The following FER variants were observed in gnomAD, a reference collection of about 807,000 sequenced individuals.
FER encodes the protein FER tyrosine kinase.
Under a neutral mutation model 111.0 loss-of-function variants are expected in FER, and 63 were observed. The observed-to-expected ratio is 0.57, with a 90% CI of 0.46 to 0.70. The LOEUF (loss-of-function observed/expected upper bound fraction) is 0.70, where lower values mean the gene tolerates loss of function less well. FER is among the 30% of genes least tolerant of loss of function. The pLI is 0.00. For missense variants in FER, 914 were observed against 954.0 expected, an observed-to-expected ratio of 0.96 and a Z score of 0.55; for synonymous variants, 327 against 313.9, an observed-to-expected ratio of 1.04 and a Z score of -0.44.
chr5:108,833,856 A>G (rs1210727990), intron 4 of FER, among the ~76,000 whole-genome samples: 1 of 151,778 alleles, frequency 6.6e-6, no homozygotes, highest in Non-Finnish European at 1.5e-5. Flanking sequence ...CCTGGGCATC[A>G]GAGCAAGACT....
chr5:108,867,316 C>G (rs1013743148), intron 5 of FER, among the ~76,000 whole-genome samples: 1 of 151,980 alleles, frequency 6.6e-6, no homozygotes, highest in African/African-American at 2.4e-5. Flanking sequence ...CCAGATATGT[C>G]CCATATTTTA....
chr5:108,917,862 C>T (rs1752465429), intron 10 of FER, among the ~76,000 whole-genome samples: 2 of 152,190 alleles, frequency 1.3e-5, no homozygotes, highest in South Asian at 4.1e-4. Flanking sequence ...AGAGATAAGA[C>T]TGTGCTCCCT....
rs540604975 is a variant in FER, at chr5:108,803,248, T to C, written c.207+4859T>C. Among the ~76,000 whole-genome samples, 12 of 152,248 alleles carry C rather than the reference T, an allele frequency of 7.9e-5. 1 individual carries two copies. The highest frequency in any genetic ancestry group is 3.4e-3 in the Middle Eastern group (1 of 294). On this transcript the variant is annotated intron_variant, in intron 3 of 19. Coordinates refer to ENST00000281092, the MANE Select transcript of FER (RefSeq NM_005246.4). ...GAACATTAGTCCTTTGTTGGATGCA[T>C]GGTTTATGATTATTTTCTCCCATTC...
chr5:108,920,736 C>G (rs946476163), intron 10 of FER, among the ~76,000 whole-genome samples: 16 of 152,156 alleles, frequency 1.1e-4, no homozygotes, highest in African/African-American at 3.6e-4. Flanking sequence ...GTTCCCTTGC[C>G]CTTTGTAAAT....
At chr5:108,996,872 T>C (rs1764053316) in intron 13 of FER, among the ~76,000 whole-genome samples, 1 of 152,200 alleles carries the variant, frequency 6.6e-6, no homozygotes, top group Admixed American at 6.5e-5. Flanking sequence ...CTTTTCACGA[T>C]ATTGATTCTT....
intron 10 of FER, among the ~76,000 whole-genome samples, chr5:108,918,002 AAAATAT>A (rs1324141089): frequency 3.9e-5 from 6 of 152,216 alleles, no homozygotes; most frequent in African/African-American, 1.4e-4. Flanking sequence ...AACATTCAGG[AAAATAT>A]AAATATAAAA....
chr5:108,992,678 G>C (rs1355258040), intron 13 of FER, among the ~76,000 whole-genome samples: 1 of 146,804 alleles, frequency 6.8e-6, no homozygotes, highest in Non-Finnish European at 1.5e-5. Context: ...CCTGGCGGGG[G>C]CTGACCCCCA....
At chr5:108,865,340 C>G (rs1763933542) in intron 5 of FER, among the ~76,000 whole-genome samples, 1 of 152,122 alleles carries the variant, frequency 6.6e-6, no homozygotes, top group Admixed American at 6.6e-5. Flanking sequence ...ATTGAATACC[C>G]TCTATTTCCT....
intron 7 of FER, 21 bp downstream of exon 7, chr5:108,871,523 T>C (rs747571150): frequency 5.8e-6 from 9 of 1,556,010 alleles, no homozygotes; most frequent in Non-Finnish European, 7.9e-6. Flanking sequence ...TTTATTCCTC[T>C]TTAAGGATTT....
chr5:108,787,813 C>T (rs564028808), intron 2 of FER, among the ~76,000 whole-genome samples: 1 of 152,172 alleles, frequency 6.6e-6, no homozygotes, highest in Non-Finnish European at 1.5e-5. Flanking sequence ...ATTGGGACAA[C>T]CTGCCTGCAG....
At chr5:108,900,181 CAG>C (rs926630975) in intron 10 of FER, among the ~76,000 whole-genome samples, 1 of 152,118 alleles carries the variant, frequency 6.6e-6, no homozygotes, top group African/African-American at 2.4e-5. Context: ...ACAAATAAGA[CAG>C]GGCATTCTTA....
intron 2 of FER, among the ~76,000 whole-genome samples, chr5:108,774,333 C>G (rs1753250478): frequency 6.6e-6 from 1 of 152,032 alleles, no homozygotes; most frequent in Non-Finnish European, 1.5e-5. Flanking sequence ...TCTGTCTCTG[C>G]TATTTTAAAT....
At chr5:108,939,073 A>T (rs1561649132) in intron 10 of FER, among the ~76,000 whole-genome samples, 1 of 152,064 alleles carries the variant, frequency 6.6e-6, no homozygotes, top group Non-Finnish European at 1.5e-5. Flanking sequence ...GTACTATGAC[A>T]TCTATTAATG....
chr5:109,180,117 A>G (rs1291305734), intron 17 of FER, among the ~76,000 whole-genome samples: 2 of 152,142 alleles, frequency 1.3e-5, no homozygotes, highest in African/African-American at 2.4e-5. Flanking sequence ...GAAGCCCAGT[A>G]TGGATGGGAT....
In FER at chr5:109,123,004, T is replaced by C. The variant is rs1267845160; in HGVS notation, c.2048+22485T>C. On this transcript the variant is annotated intron_variant, in intron 17 of 19. Transcript: ENST00000281092. ...GTAGGCAATAGATCATTGGGTCTTT[T>C]TTTTATTAATCCATTCAGCCACTCT... 2.6e-5 allele frequency among the ~76,000 whole-genome samples: 4 copies of C among 152,244 alleles called. No individual in the cohort carries two copies. In the East Asian group the frequency reaches 7.7e-4, roughly 29 times the overall value.
At chr5:108,942,895 C>A (rs932791076) in intron 10 of FER, among the ~76,000 whole-genome samples, 2 of 152,038 alleles carry the variant, frequency 1.3e-5, no homozygotes, top group African/African-American at 4.8e-5. Flanking sequence ...GGAGTTTGAG[C>A]ATGAATATTA....
chr5:109,055,071 A>G (rs745315355), intron 16 of FER, among the ~76,000 whole-genome samples: 3 of 152,358 alleles, frequency 2.0e-5, no homozygotes, highest in Admixed American at 6.5e-5. Flanking sequence ...GGGAAAGAAT[A>G]GTCTGCCTGA....
chr5:108,885,065 C>T (rs1045743111), intron 9 of FER, among the ~76,000 whole-genome samples: 4 of 151,922 alleles, frequency 2.6e-5, no homozygotes, highest in Admixed American at 6.6e-5. Context: ...AGGGAAGGCA[C>T]GGCCCTAGGC....
chr5:109,059,291 G>A (rs1178231448), intron 16 of FER, among the ~76,000 whole-genome samples: 1 of 151,616 alleles, frequency 6.6e-6, no homozygotes, highest in African/African-American at 2.4e-5. Flanking sequence ...AAATAGACTT[G>A]GTTAGCTTTT....
Sources: gnomAD v4.1 joint callset for allele counts (sites outside exome capture counted in the v4.1 genomes callset) on GRCh38, gnomAD v4.1.1 for gene constraint, MANE v1.5 for transcripts, NCBI Gene and HGNC (gene_info 2026-07-23, HGNC 2026-07-21) for gene names.